Variants in PDE4B observed in about 807,000 individuals in gnomAD.
PDE4B encodes 3',5'-cyclic-AMP phosphodiesterase 4B.
A neutral mutation model predicts 82.2 loss-of-function variants in PDE4B; 20 were observed. That is an observed-to-expected ratio of 0.24 (90% CI 0.17 to 0.35). The LOEUF is 0.35. Ranked by LOEUF, PDE4B falls within the 10% of genes least tolerant of loss-of-function variation. The probability of loss-of-function intolerance (pLI) is 1.00; values close to 1 mark genes in which losing one functional copy is unlikely to be tolerated. For synonymous variants in PDE4B, 320 were observed against 318.9 expected (o/e 1.00, Z -0.04); for missense variants, 655 against 907.2 (o/e 0.72, Z 3.57).
intron 8 of PDE4B, among the ~76,000 whole-genome samples, chr1:66,347,103 A>G (rs1661451079): frequency 6.6e-6 from 1 of 152,134 alleles, no homozygotes; most frequent in Admixed American, 6.6e-5. Context: ...AGCTGAGGTC[A>G]CTGGTAAGGC....
intron 1 of PDE4B, among the ~76,000 whole-genome samples, chr1:65,825,947 A>C (rs1202754689): frequency 6.6e-6 from 1 of 152,064 alleles, no homozygotes; most frequent in Non-Finnish European, 1.5e-5. Flanking sequence ...TCTTTATGGC[A>C]ATCTGACTCA....
intron 3 of PDE4B, among the ~76,000 whole-genome samples, chr1:66,110,811 A>T (rs1645470527): frequency 6.6e-6 from 1 of 152,114 alleles, no homozygotes; most frequent in Non-Finnish European, 1.5e-5. Context: ...TACAACTGCA[A>T]CTATGATGAG....
intron 1 of PDE4B, among the ~76,000 whole-genome samples, chr1:65,819,909 C>G (rs1272721425): frequency 6.6e-6 from 1 of 152,080 alleles, no homozygotes. Flanking sequence ...ATGTATAGCT[C>G]CAGAGAAATC....
Position 66,361,446 on chromosome 1 carries a change from T to C in PDE4B, c.842-169T>C, listed in dbSNP as rs529929026. Among the ~76,000 whole-genome samples, 3 of 152,310 alleles carry C rather than the reference T, an allele frequency of 2.0e-5. No individual in the cohort carries two copies. The East Asian group carries it at 5.8e-4, about 29-fold the overall frequency. Reference sequence around the variant, plus strand: ...TTATTTTTCTCAACAAATTTTATATTTTCCCCACTTACTTTATAGAACTGC... The same window carrying C: ...TTATTTTTCTCAACAAATTTTATATCTTCCCCACTTACTTTATAGAACTGC... On this transcript the variant is annotated intron_variant, in intron 9 of 16. Coordinates refer to ENST00000341517, the MANE Select transcript of PDE4B (RefSeq NM_002600.4).
chr1:65,938,534 G>A (rs1648275834), intron 3 of PDE4B, among the ~76,000 whole-genome samples: 1 of 152,114 alleles, frequency 6.6e-6, no homozygotes, highest in Admixed American at 6.6e-5. Flanking sequence ...CTTGACACAG[G>A]GCTAAGAACT....
intron 8 of PDE4B, among the ~76,000 whole-genome samples, chr1:66,348,683 TAAAG>T (rs944262206): frequency 5.9e-5 from 9 of 151,284 alleles, no homozygotes; most frequent in East Asian, 1.9e-4. Flanking sequence ...AAAAAAAAGA[TAAAG>T]AAAATTCTTC....
chr1:66,038,759 G>A (rs1254758114), intron 3 of PDE4B, among the ~76,000 whole-genome samples: 1 of 152,040 alleles, frequency 6.6e-6, no homozygotes, highest in Non-Finnish European at 1.5e-5. Context: ...ATTGTTGAGC[G>A]ATTGGAATAG....
At position 66,294,476 on chromosome 1, in the gene PDE4B, T is replaced by A. The variant is rs116763704; in HGVS notation, c.634+28389T>A. ...TAGACCCAAAGTGAATTTTTTTGGTTTTCTAAAGTCAGTCTTCACTATCTT... is the reference window on the plus strand; with the variant it reads ...TAGACCCAAAGTGAATTTTTTTGGTATTCTAAAGTCAGTCTTCACTATCTT... On this transcript the variant is annotated intron_variant, in intron 7 of 16. Transcript: ENST00000341517. Among the ~76,000 whole-genome samples, 495 of 152,284 alleles carry A rather than the reference T, an allele frequency of 3.3e-3. 2 individuals are homozygous for A. Among genetic ancestry groups the A allele is most frequent in the African/African-American group, 0.011 (471 of 41,560 alleles).
At chr1:66,042,714 C>T (rs914635825) in intron 3 of PDE4B, 1 of 151,606 alleles carries the variant, frequency 6.6e-6, no homozygotes, top group African/African-American at 2.4e-5. Flanking sequence ...GTTTCCCTGG[C>T]ATTCAAAAGT....
chr1:66,308,573 G>A (rs1658446147), intron 7 of PDE4B, among the ~76,000 whole-genome samples: 1 of 152,074 alleles, frequency 6.6e-6, no homozygotes, highest in Non-Finnish European at 1.5e-5. Flanking sequence ...TTGTCTCTTT[G>A]GAGCTTTGTA....
chr1:65,978,607 A>G (rs1359674038), intron 3 of PDE4B, among the ~76,000 whole-genome samples: 1 of 152,172 alleles, frequency 6.6e-6, no homozygotes. Flanking sequence ...GATTCTTTAT[A>G]TATTACTGTA....
At chr1:66,271,494 G>A (rs928014914) in intron 7 of PDE4B, among the ~76,000 whole-genome samples, 15 of 152,166 alleles carry the variant, frequency 9.9e-5, no homozygotes, top group Admixed American at 5.2e-4. Context: ...GAGGCAAATC[G>A]CTGCCAGGGA....
At chr1:66,234,534 C>G (rs1268942261) in intron 3 of PDE4B, among the ~76,000 whole-genome samples, 3 of 152,216 alleles carry the variant, frequency 2.0e-5, no homozygotes, top group African/African-American at 4.8e-5. Context: ...GGTGATCCGC[C>G]TGGCTCAGCC....
intron 7 of PDE4B, among the ~76,000 whole-genome samples, chr1:66,300,105 T>C (rs1385888621): frequency 3.3e-5 from 5 of 152,200 alleles, no homozygotes; most frequent in African/African-American, 1.2e-4. Context: ...TCTTCAGCCA[T>C]GTGAAAAGAC....
At chr1:66,229,900 A>G (rs1334718415) in intron 3 of PDE4B, among the ~76,000 whole-genome samples, 1 of 152,216 alleles carries the variant, frequency 6.6e-6, no homozygotes, top group East Asian at 1.9e-4. Context: ...CCCTTTAGCT[A>G]GCAAATGACA....
intron 3 of PDE4B, among the ~76,000 whole-genome samples, chr1:66,101,347 A>G (rs1455082488): frequency 6.6e-6 from 1 of 152,210 alleles, no homozygotes; most frequent in Non-Finnish European, 1.5e-5. Context: ...GTATATGTCC[A>G]GTAACGGGAT....
chr1:65,958,157 C>A (rs778780379), intron 3 of PDE4B, among the ~76,000 whole-genome samples: 1 of 151,686 alleles, frequency 6.6e-6, no homozygotes, highest in Non-Finnish European at 1.5e-5. Context: ...GCGCTTTTTG[C>A]GTTCTTAGCT....
At chr1:66,055,404 A>G (rs1243444837) in intron 3 of PDE4B, among the ~76,000 whole-genome samples, 1 of 152,274 alleles carries the variant, frequency 6.6e-6, no homozygotes, top group African/African-American at 2.4e-5. Context: ...AAAAATAGAT[A>G]AAGGATTAAT....
At chr1:65,855,272 A>G (rs1557780790) in intron 1 of PDE4B, among the ~76,000 whole-genome samples, 1 of 151,832 alleles carries the variant, frequency 6.6e-6, no homozygotes, top group Non-Finnish European at 1.5e-5. Context: ...ATTTTATTAG[A>G]TATTGGAAAT....
Sources: allele counts gnomAD v4.1 joint callset (sites outside exome capture counted in the v4.1 genomes callset), GRCh38; gene constraint gnomAD v4.1.1; transcripts MANE v1.5; gene names NCBI Gene and HGNC (gene_info 2026-07-23, HGNC 2026-07-21).